Variants in SYT1 observed in about 807,000 individuals in gnomAD.
SYT1 encodes synaptotagmin-1.
SYT1 carries 8 observed loss-of-function variants against 44.8 expected under a neutral mutation model. The observed-to-expected ratio is 0.18, with a 90% CI of 0.10 to 0.32. The LOEUF (loss-of-function observed/expected upper bound fraction) is 0.32, where lower values mean the gene tolerates loss of function less well. SYT1 is among the 10% of genes least tolerant of loss of function. The pLI is 1.00. For synonymous variants in SYT1, 154 were observed against 188.8 expected, an observed-to-expected ratio of 0.82 and a Z score of 1.51; for missense variants, 286 against 509.3, an observed-to-expected ratio of 0.56 and a Z score of 4.22.
At chr12:79,296,571 TAAGTA>T in intron 7 of SYT1, among the ~76,000 whole-genome samples, 1 of 152,124 alleles carries the variant, frequency 6.6e-6, no homozygotes, top group Non-Finnish European at 1.5e-5. Flanking sequence ...TTTGTGAAAA[TAAGTA>T]CATCTGTTAC....
intron 4 of SYT1, among the ~76,000 whole-genome samples, chr12:79,220,901 C>G (rs10861703): frequency 0.7 from 106,856 of 152,024 alleles, 38,021 homozygotes; most frequent in African/African-American, 0.77. Flanking sequence ...AATGTGTATT[C>G]TGTAGCTGTT....
intron 10 of SYT1, among the ~76,000 whole-genome samples, chr12:79,445,266 G>A (rs1363000759): frequency 6.6e-6 from 1 of 152,034 alleles, no homozygotes; most frequent in Non-Finnish European, 1.5e-5. Flanking sequence ...AATCAGAGTA[G>A]TTAGCATATT....
chr12:78,977,071 A>T (rs10861262), intron 1 of SYT1, among the ~76,000 whole-genome samples: 30,410 of 151,834 alleles, frequency 0.2, 3,522 homozygotes, highest in African/African-American at 0.33. Flanking sequence ...ACAGAAAAAA[A>T]TTTTAAAAGA....
At chr12:79,352,194 C>G (rs1565921680) in intron 8 of SYT1, among the ~76,000 whole-genome samples, 1 of 150,862 alleles carries the variant, frequency 6.6e-6, no homozygotes, top group African/African-American at 2.4e-5. Context: ...ACACCCCCCC[C>G]CCAAAAAAAA....
rs567973185 is a variant in SYT1 at position 79,379,928 on chromosome 12, C to T, written c.928+26309C>T. Among the ~76,000 whole-genome samples the T allele has an allele frequency of 1.3e-4, 20 of 152,264 alleles. No homozygotes were observed. In the South Asian group the frequency reaches 4.1e-3, roughly 32 times the overall value. On this transcript the variant is annotated intron_variant, in intron 9 of 10. Transcript: ENST00000261205. ...AAGCCTAAGGAAATTAAATAATTTG[C>T]TGAAGGTTACACCCGAGAGCAAGCA...
chr12:79,266,972 G>T lies in SYT1; in HGVS notation c.167-18815G>T, dbSNP rs1267035006. ...CTTTCATGACTGTAAAGACTCAAAC[G>T]CCCTGTTCTTCTCCACCCAAGCATA... On this transcript the variant is annotated intron_variant, in intron 4 of 10. Transcript: ENST00000261205. 3.9e-5 allele frequency among the ~76,000 whole-genome samples: 6 copies of T among 152,078 alleles called. No homozygotes were observed. The East Asian group carries it at 5.8e-4, about 15-fold the overall frequency.
At chr12:79,274,476 G>C (rs1481716169) in intron 4 of SYT1, among the ~76,000 whole-genome samples, 1 of 152,148 alleles carries the variant, frequency 6.6e-6, no homozygotes, top group Non-Finnish European at 1.5e-5. Context: ...CAGCAGAAAT[G>C]GTTCCACTCC....
intron 3 of SYT1, among the ~76,000 whole-genome samples, chr12:79,054,936 T>G (rs1874820396): frequency 6.6e-6 from 1 of 151,990 alleles, no homozygotes; most frequent in Non-Finnish European, 1.5e-5. Context: ...TTATTCATGA[T>G]AAATCTAAAC....
chr12:79,274,441 C>G (rs976628193), intron 4 of SYT1, among the ~76,000 whole-genome samples: 2 of 152,228 alleles, frequency 1.3e-5, no homozygotes, highest in Non-Finnish European at 2.9e-5. Flanking sequence ...TGCTGCCCCT[C>G]TCTTCCTGTG....
chr12:79,059,630 A>G (rs1875226225), intron 3 of SYT1, among the ~76,000 whole-genome samples: 2 of 152,124 alleles, frequency 1.3e-5, no homozygotes, highest in African/African-American at 2.4e-5. Context: ...TCCATGCACA[A>G]TGATCAAACA....
chr12:79,076,784 C>T lies in SYT1; in HGVS notation c.-18+29422C>T, dbSNP rs543653482. Among the ~76,000 whole-genome samples the T allele has an allele frequency of 1.1e-3, 166 of 152,260 alleles. 1 individual carries two copies. Among genetic ancestry groups the T allele is most frequent in the African/African-American group, 3.7e-3 (152 of 41,554 alleles). On this transcript the variant is annotated intron_variant, in intron 3 of 10. Transcript: ENST00000261205. ...AGGAGATCGAGGCCATCCTGGCCAACGTGGTGAAACCCCCTGTCTACTAAA... is the reference window on the plus strand; with the variant it reads ...AGGAGATCGAGGCCATCCTGGCCAATGTGGTGAAACCCCCTGTCTACTAAA...
intron 9 of SYT1, among the ~76,000 whole-genome samples, chr12:79,360,214 G>T (rs1219189239): frequency 1.3e-5 from 2 of 151,456 alleles, no homozygotes; most frequent in East Asian, 3.9e-4. Context: ...TTTTGGGTCA[G>T]TAACATAGAA....
At chr12:79,329,480 T>C (rs1221045323) in intron 8 of SYT1, among the ~76,000 whole-genome samples, 1 of 152,236 alleles carries the variant, frequency 6.6e-6, no homozygotes, top group Non-Finnish European at 1.5e-5. Flanking sequence ...TATTCTTAAT[T>C]ACCTATGGAT....
chr12:78,959,583 A>T lies in SYT1; in HGVS notation c.-216-18216A>T, dbSNP rs368095204. ...GGGAACTTCGCCATAGATATCCATT[A>T]TTCTGTTGGACAATTCTAGCAAGAG... On this transcript the variant is annotated intron_variant, in intron 1 of 10. Transcript: ENST00000261205. Among the ~76,000 whole-genome samples the T allele has an allele frequency of 1.1e-4, 16 of 152,288 alleles. 1 individual carries two copies. The highest frequency in any genetic ancestry group is 5.8e-4 in the East Asian group (3 of 5,176).
At chr12:78,949,915 A>T (rs1007384259) in intron 1 of SYT1, among the ~76,000 whole-genome samples, 4 of 152,176 alleles carry the variant, frequency 2.6e-5, no homozygotes, top group Non-Finnish European at 5.9e-5. Flanking sequence ...TTTCTAACTG[A>T]ACAGGAAGAG....
chr12:79,210,857 G>A (rs1874400408), intron 3 of SYT1, among the ~76,000 whole-genome samples: 1 of 151,426 alleles, frequency 6.6e-6, no homozygotes, highest in African/African-American at 2.4e-5. Flanking sequence ...TTTAGCCAGT[G>A]GCCATTTTAC....
intron 9 of SYT1, among the ~76,000 whole-genome samples, chr12:79,358,128 C>T (rs990829770): frequency 3.3e-5 from 5 of 152,104 alleles, no homozygotes; most frequent in Admixed American, 1.3e-4. Context: ...AAATTTGACA[C>T]GTCTGAGTAC....
chr12:79,133,536 A>C (rs1868988212), intron 3 of SYT1, among the ~76,000 whole-genome samples: 1 of 152,224 alleles, frequency 6.6e-6, no homozygotes, highest in Non-Finnish European at 1.5e-5. Flanking sequence ...TACAAATATT[A>C]TGTATCCAAA....
intron 3 of SYT1, among the ~76,000 whole-genome samples, chr12:79,053,185 T>G (rs1373561934): frequency 1.3e-5 from 2 of 152,044 alleles, no homozygotes; most frequent in African/African-American, 2.4e-5. Context: ...CCATAAAAAA[T>G]GATGAGTTCA....
Sources: gnomAD v4.1 joint callset for allele counts (sites outside exome capture counted in the v4.1 genomes callset) on GRCh38, gnomAD v4.1.1 for gene constraint, MANE v1.5 for transcripts, NCBI Gene and HGNC (gene_info 2026-07-23, HGNC 2026-07-21) for gene names.